The following ATP9B variants were observed in gnomAD, a reference collection of about 807,000 sequenced individuals.
The protein encoded by ATP9B is probable phospholipid-transporting ATPase IIB.
Under a neutral mutation model 146.1 loss-of-function variants are expected in ATP9B, and 110 were observed. That is an observed-to-expected ratio of 0.75 (90% CI 0.65 to 0.88). The LOEUF (loss-of-function observed/expected upper bound fraction) is 0.88. ATP9B is among the 40% of genes least tolerant of loss of function. The pLI is 0.00. For missense variants in ATP9B, 1,499 were observed against 1,496.4 expected, an observed-to-expected ratio of 1.00 and a Z score of -0.03; for synonymous variants, 604 against 569.7, an observed-to-expected ratio of 1.06 and a Z score of -0.86.
chr18:79,337,027 C>A (rs2096830998), intron 18 of ATP9B, among the ~76,000 whole-genome samples: 1 of 152,170 alleles, frequency 6.6e-6, no homozygotes, highest in South Asian at 2.1e-4. Context: ...GCCTCCCCCT[C>A]TGTCCCCAGA....
At chr18:79,327,721 G>A (rs1229365938) in intron 15 of ATP9B, among the ~76,000 whole-genome samples, 49 of 142,468 alleles carry the variant, frequency 3.4e-4, no homozygotes, top group African/African-American at 1.1e-3. Flanking sequence ...CATGGTTAGC[G>A]TGCTCGCCGT....
chr18:79,208,545 A>T (rs574073705), intron 10 of ATP9B, among the ~76,000 whole-genome samples: 1 of 152,338 alleles, frequency 6.6e-6, no homozygotes, highest in East Asian at 1.9e-4. Flanking sequence ...AACGAACTCC[A>T]GGAGGAGGAC....
intron 14 of ATP9B, among the ~76,000 whole-genome samples, chr18:79,305,375 T>C (rs1226096024): frequency 6.6e-6 from 1 of 152,248 alleles, no homozygotes; most frequent in Non-Finnish European, 1.5e-5. Flanking sequence ...AAGTCTCATA[T>C]GTGTATATAT....
intron 8 of ATP9B, among the ~76,000 whole-genome samples, chr18:79,179,680 A>T (rs960171730): frequency 2.0e-5 from 3 of 152,066 alleles, no homozygotes; most frequent in Admixed American, 1.3e-4. Context: ...CAGTCCTTTC[A>T]TATGTATTGA....
chr18:79,326,399 G>A (rs1264518211), intron 15 of ATP9B, among the ~76,000 whole-genome samples: 1 of 135,068 alleles, frequency 7.4e-6, no homozygotes, highest in African/African-American at 2.8e-5. Flanking sequence ...CATGGTGTTA[G>A]GGTGTCATCT....
intron 7 of ATP9B, among the ~76,000 whole-genome samples, chr18:79,162,594 G>A (rs1478800637): frequency 1.3e-5 from 2 of 152,176 alleles, no homozygotes; most frequent in Non-Finnish European, 2.9e-5. Flanking sequence ...GTGGGACGGG[G>A]TGGTGGTTAA....
intron 11 of ATP9B, among the ~76,000 whole-genome samples, chr18:79,248,647 A>G (rs1235709915): frequency 6.6e-6 from 1 of 152,242 alleles, no homozygotes; most frequent in Non-Finnish European, 1.5e-5. Context: ...AGTAGCATGA[A>G]TGAATTGGGT....
At chr18:79,105,808 A>G (rs1175406466) in intron 2 of ATP9B, among the ~76,000 whole-genome samples, 2 of 152,204 alleles carry the variant, frequency 1.3e-5, no homozygotes, top group South Asian at 2.1e-4. Flanking sequence ...AATGTCCTCA[A>G]CTAATCGGCA....
chr18:79,353,076 A>G (rs1232088018), intron 25 of ATP9B: 1 of 152,260 alleles, frequency 6.6e-6, no homozygotes, highest in East Asian at 1.9e-4. Flanking sequence ...TTTAAGCCAC[A>G]GAGAGAGTTA....
chr18:79,365,736 T>A (rs921638591), intron 26 of ATP9B, among the ~76,000 whole-genome samples: 1 of 148,826 alleles, frequency 6.7e-6, no homozygotes, highest in African/African-American at 2.5e-5. Context: ...GGACAGCCCA[T>A]GCGTGATGGA....
At chr18:79,259,769 A>G (rs899364291) in intron 12 of ATP9B, among the ~76,000 whole-genome samples, 1 of 152,226 alleles carries the variant, frequency 6.6e-6, no homozygotes, top group African/African-American at 2.4e-5. Context: ...TTAGGAGAGA[A>G]CTTTTCTGAA....
intron 1 of ATP9B, among the ~76,000 whole-genome samples, chr18:79,089,350 C>T (rs575415326): frequency 6.6e-6 from 1 of 152,218 alleles, no homozygotes; most frequent in Admixed American, 6.5e-5. Context: ...AAAATTAAAC[C>T]CCTTCCTGTT....
intron 6 of ATP9B, chr18:79,146,913 A>G (rs1006668352): frequency 2.0e-5 from 3 of 152,294 alleles, no homozygotes; most frequent in Admixed American, 6.5e-5. Flanking sequence ...ACGAGACAGA[A>G]TGGATAAAAA....
intron 7 of ATP9B, among the ~76,000 whole-genome samples, chr18:79,164,204 C>T (rs1229415673): frequency 6.6e-6 from 1 of 152,144 alleles, no homozygotes; most frequent in Admixed American, 6.5e-5. Context: ...AGGTTACAGA[C>T]GTGAGTCACT....
At chr18:79,248,088 G>A (rs555393356) in intron 11 of ATP9B, among the ~76,000 whole-genome samples, 1 of 152,086 alleles carries the variant, frequency 6.6e-6, no homozygotes, top group Non-Finnish European at 1.5e-5. Flanking sequence ...TTCTTATTTC[G>A]CAGATCACTG....
intron 12 of ATP9B, among the ~76,000 whole-genome samples, chr18:79,263,375 G>A (rs2096165410): frequency 6.6e-6 from 1 of 152,206 alleles, no homozygotes; most frequent in African/African-American, 2.4e-5. Context: ...CAGGAATACT[G>A]TGTTTTGATG....
chr18:79,134,761 G>T (rs2094427860), intron 5 of ATP9B, among the ~76,000 whole-genome samples: 1 of 152,032 alleles, frequency 6.6e-6, no homozygotes, highest in South Asian at 2.1e-4. Flanking sequence ...ATTTGCCTTT[G>T]TCACATGTAG....
intron 26 of ATP9B, among the ~76,000 whole-genome samples, chr18:79,367,016 CCG>C (rs1191484883): frequency 8.6e-4 from 131 of 151,566 alleles, no homozygotes; most frequent in Middle Eastern, 3.5e-3. Flanking sequence ...TTCACCTCCA[CCG>C]TGTGTACGCA....
chr18:79,176,893 C>A lies in ATP9B; in HGVS notation c.859C>A (p.Leu287Met), dbSNP rs780256807. Residue 287 changes from leucine (L) to methionine (M), a missense_variant, in exon 8 of 30, where the codon CTG becomes ATG. Leu to Met is a conservative substitution (Grantham distance 15). Coordinates refer to ENST00000426216, the MANE Select transcript of ATP9B (RefSeq NM_198531.5). Reference protein sequence around the residue: ...LKVAVSCTQQLPALGDLFSIS... With the variant: ...LKVAVSCTQQMPALGDLFSIS... The stretch of plus-strand genomic sequence containing the variant: ...GGTGGCAGTGAGCTGCACGCAACAG[C>A]TGCCGGCTCTGGGGGTGAGCAGCAC... 4 of 1,614,066 alleles carry A rather than the reference C, an allele frequency of 2.5e-6. No individual in the cohort carries two copies. In the East Asian group the frequency reaches 8.9e-5, roughly 36 times the overall value.
Sources: gnomAD v4.1 joint callset for allele counts (sites outside exome capture counted in the v4.1 genomes callset) on GRCh38, gnomAD v4.1.1 for gene constraint, MANE v1.5 for transcripts, NCBI Gene and HGNC (gene_info 2026-07-23, HGNC 2026-07-21) for gene names.